Variants in SVOP observed in about 807,000 individuals in gnomAD.
The protein encoded by SVOP is SV2 related protein.
Under a neutral mutation model 69.1 loss-of-function variants are expected in SVOP, and 17 were observed. The ratio of observed to expected loss-of-function variants is 0.25; its 90% CI spans 0.17 to 0.37. The LOEUF is 0.37. SVOP is among the 10% of genes least tolerant of loss of function. The pLI is 1.00. For missense variants in SVOP, 435 were observed against 597.5 expected (o/e 0.73, Z 2.84); for synonymous variants, 238 against 238.6 (o/e 1.00, Z 0.02).
rs1383865777 is a variant in SVOP at position 108,959,848 on chromosome 12, G to A, written c.578+1075C>T. ...AAGGCAGTAAAATGCAATGGGTATAGAGCCCAGGCACTGGGGTTAGAAGGT... is the reference window on the plus strand; with the variant it reads ...AAGGCAGTAAAATGCAATGGGTATAAAGCCCAGGCACTGGGGTTAGAAGGT... On this transcript the variant is annotated intron_variant, in intron 6 of 15. Transcript: ENST00000610966. 2.6e-5 allele frequency among the ~76,000 whole-genome samples: 4 copies of A among 152,184 alleles called. No individual in the cohort carries two copies. In the East Asian group the frequency reaches 7.7e-4, roughly 29 times the overall value.
chr12:109,009,281 A>G (rs369223405), intron 1 of SVOP, among the ~76,000 whole-genome samples: 4 of 151,800 alleles, frequency 2.6e-5, no homozygotes, highest in South Asian at 2.1e-4. Flanking sequence ...TAACTTATTT[A>G]TTCACTCATT....
rs2040395450 is a variant in SVOP, at chr12:109,021,032, G to A, written c.-164C>T. On this transcript the variant is annotated 5_prime_UTR_variant, in exon 1 of 16. Transcript: ENST00000610966. ...GGAGCCGCTGGGGACCAGCCCACGA[G>A]ACAAAGCCTCCGCCGCCAGGAGACC... The A allele has an allele frequency of 3.6e-6, 2 of 549,380 alleles. No individual in the cohort carries two copies. Among genetic ancestry groups the A allele is most frequent in the East Asian group, 6.4e-5 (2 of 31,072 alleles). 34.0% of individuals were successfully genotyped at this position (549,380 alleles called of 1,614,324 possible).
chr12:108,937,149 A>T, intron 10 of SVOP, 115 bp downstream of exon 10: 1 of 1,013,560 alleles, frequency 9.9e-7, no homozygotes, highest in Non-Finnish European at 1.6e-6. Context: ...GAACTACTGA[A>T]ATTTGCAAAC....
Position 108,940,816 on chromosome 12 carries a change from C to G in SVOP, c.736G>C (p.Val246Leu). 1 of 1,537,220 alleles carries G rather than the reference C, an allele frequency of 6.5e-7. No homozygotes were observed. Among genetic ancestry groups the G allele is most frequent in the Non-Finnish European group, 8.7e-7 (1 of 1,146,904 alleles). The change falls in exon 8 of 16, where the codon GTC becomes CTC. Residue 246 changes from valine to leucine, a missense_variant. Physicochemically the swap from Val to Leu is conservative, Grantham distance 32 (BLOSUM62 1). Transcript: ENST00000610966. ...GWRWLLILSA[V>L]PLLLFAVLCF... ...AGCACGGCAAAGAGGAGGAGCGGGACAGCTGAGAGGATGAGCAGCCAACGC... is the reference window on the plus strand; with the variant it reads ...AGCACGGCAAAGAGGAGGAGCGGGAGAGCTGAGAGGATGAGCAGCCAACGC...
chr12:108,987,914 C>T (rs769135472), intron 1 of SVOP, among the ~76,000 whole-genome samples: 1 of 75,868 alleles, frequency 1.3e-5, no homozygotes, highest in African/African-American at 4.0e-5. Context: ...TCGTTGAATG[C>T]ACCAAAGTTT....
rs151002896 is a variant in SVOP at position 108,934,337 on chromosome 12, C to G, written c.972-66G>C. The stretch of plus-strand genomic sequence containing the variant: ...GAACACCAGTCCCCTTTCCCTACCC[C>G]CTTGGGAAGGGCCAATGTCTACAGC... On this transcript the variant is annotated intron_variant, in intron 10 of 15. Coordinates refer to ENST00000610966, the MANE Select transcript of SVOP (RefSeq NM_018711.5). 3.1e-4 allele frequency: 435 copies of G among 1,390,596 alleles called. 6 individuals carry two copies. The East Asian group carries it at 0.011, about 34-fold the overall frequency. 86.1% of individuals were successfully genotyped at this position (1,390,596 alleles called of 1,614,324 possible).
At chr12:108,972,367 C>A in intron 5 of SVOP, 38 bp downstream of exon 5, 1 of 1,533,762 alleles carries the variant, frequency 6.5e-7, no homozygotes, top group South Asian at 1.2e-5. Flanking sequence ...CCAAGACAAC[C>A]CAGAGGACAT....
At position 108,922,780 on chromosome 12, in the gene SVOP, C is replaced by T. The variant is rs760946711; in HGVS notation, c.1066G>A (p.Ala356Thr). Residue 356 changes from alanine to threonine, a missense_variant, in exon 12 of 16, where the codon GCT becomes ACT. Physicochemically the swap from Ala to Thr is moderately conservative, Grantham distance 58. Coordinates refer to ENST00000610966, the MANE Select transcript of SVOP (RefSeq NM_018711.5). ...GCCAGGCTGCATTTTGCCTCTACAG[C>T]CTTCTTCCGACTGGAGACTGGGGTT... ...DVCGISSRKK[A>T]VEAKCSLACE... 10 of 1,608,330 alleles carry T rather than the reference C, an allele frequency of 6.2e-6. No homozygotes were observed. Among genetic ancestry groups the T allele is most frequent in the Non-Finnish European group, 7.6e-6 (9 of 1,177,642 alleles).
At chr12:108,982,578 TTATCATCATCAC>T (rs1276900508) in intron 2 of SVOP, among the ~76,000 whole-genome samples, 1 of 150,866 alleles carries the variant, frequency 6.6e-6, no homozygotes, top group Non-Finnish European at 1.5e-5. Context: ...ATCTTCACCA[TTATCATCATCAC>T]TATCATCACC....
At chr12:109,000,042 T>G (rs1415873667) in intron 1 of SVOP, among the ~76,000 whole-genome samples, 2 of 150,688 alleles carry the variant, frequency 1.3e-5, no homozygotes, top group Admixed American at 6.6e-5. Flanking sequence ...TTTGAAAGGA[T>G]CAACAAAATT....
At position 108,956,580 on chromosome 12, in the gene SVOP, C is replaced by T. The variant is rs556631763; in HGVS notation, c.578+4343G>A. Reference sequence around the variant, plus strand: ...GCAACTTAGGTACATACATTGGACTCTTCCAGTTTTGAAGGAGCAGCAATT... The same window carrying T: ...GCAACTTAGGTACATACATTGGACTTTTCCAGTTTTGAAGGAGCAGCAATT... On this transcript the variant is annotated intron_variant, in intron 6 of 15. Transcript: ENST00000610966. Among the ~76,000 whole-genome samples, 71 of 152,322 alleles carry T rather than the reference C, an allele frequency of 4.7e-4. 1 individual carries two copies. Among genetic ancestry groups the T allele is most frequent in the African/African-American group, 1.6e-3 (66 of 41,576 alleles).
rs374067850 is a variant in SVOP, at chr12:108,910,085, G to A, written c.*2450C>T. 5 of 152,166 alleles carry A rather than the reference G, an allele frequency of 3.3e-5. No individual in the cohort carries two copies. Among genetic ancestry groups the A allele is most frequent in the African/African-American group, 1.2e-4 (5 of 41,446 alleles). 9.4% of individuals were successfully genotyped at this position (152,166 alleles called of 1,614,324 possible). A position where few individuals can be genotyped will look rare whatever the true frequency, so the allele number is the denominator to read the frequency against. On this transcript the variant is annotated 3_prime_UTR_variant, in exon 16 of 16. Transcript: ENST00000610966. ...CGCCATTCTCCGGCCTCAGCCTCCT[G>A]AGTAGCTGGGACTACAGGCACCCGC...
chr12:109,006,705 A>G (rs2040310200), intron 1 of SVOP, among the ~76,000 whole-genome samples: 1 of 152,112 alleles, frequency 6.6e-6, no homozygotes, highest in African/African-American at 2.4e-5. Context: ...GAGGGCAGGT[A>G]GATGTGGCCT....
chr12:109,007,359 T>C (rs926434133), intron 1 of SVOP, among the ~76,000 whole-genome samples: 5 of 152,208 alleles, frequency 3.3e-5, no homozygotes, highest in African/African-American at 1.2e-4. Context: ...CCCTGAGCTG[T>C]AGGATTTGAG....
At chr12:108,938,377 C>A (rs779797301) in intron 9 of SVOP, among the ~76,000 whole-genome samples, 1 of 152,086 alleles carries the variant, frequency 6.6e-6, no homozygotes, top group African/African-American at 2.4e-5. Flanking sequence ...GTGTTACCAG[C>A]GGAGTGAGGC....
At chr12:109,016,994 C>T (rs955494442) in intron 1 of SVOP, among the ~76,000 whole-genome samples, 20 of 152,084 alleles carry the variant, frequency 1.3e-4, no homozygotes, top group Non-Finnish European at 2.8e-4. Context: ...TAAGACAATT[C>T]TCATAATTAT....
At chr12:108,923,836 C>T (rs2039764671) in intron 11 of SVOP, among the ~76,000 whole-genome samples, 1 of 152,022 alleles carries the variant, frequency 6.6e-6, no homozygotes, top group Non-Finnish European at 1.5e-5. Context: ...AGATCTCATC[C>T]CTGTTCCAGG....
intron 1 of SVOP, 124 bp from the exon 2 acceptor site, chr12:108,983,885 G>A (rs2040154679): frequency 1.3e-5 from 5 of 397,542 alleles, no homozygotes; most frequent in Non-Finnish European, 1.8e-5. Flanking sequence ...TGATGGATGG[G>A]GGTTAGCATT....
In SVOP at chr12:108,984,810, G is replaced by T. The variant is rs969627183; in HGVS notation, c.36-1049C>A. The stretch of plus-strand genomic sequence containing the variant: ...CTGCTGTCTCCCAGCCCTAGGGTGG[G>T]TTTTGGGGTTATAGCACTGAAAAGA... On this transcript the variant is annotated intron_variant, in intron 1 of 15. Coordinates refer to ENST00000610966, the MANE Select transcript of SVOP (RefSeq NM_018711.5). Among the ~76,000 whole-genome samples, 108 of 152,284 alleles carry T rather than the reference G, an allele frequency of 7.1e-4. 1 individual carries two copies. The highest frequency in any genetic ancestry group is 2.5e-3 in the African/African-American group (105 of 41,554).
Sources: allele counts gnomAD v4.1 joint callset (sites outside exome capture counted in the v4.1 genomes callset), GRCh38; gene constraint gnomAD v4.1.1; transcripts MANE v1.5; gene names NCBI Gene and HGNC (gene_info 2026-07-23, HGNC 2026-07-21).